Variants in ACVR1 observed in about 807,000 individuals in gnomAD.
ACVR1 encodes activin A receptor type 1.
Under a neutral mutation model 57.1 loss-of-function variants are expected in ACVR1, and 38 were observed. That is an observed-to-expected ratio of 0.67 (90% CI 0.51 to 0.87). The LOEUF is 0.87. Ranked by LOEUF, ACVR1 falls within the 40% of genes least tolerant of loss-of-function variation. The pLI is 0.00. For synonymous variants in ACVR1, 212 were observed against 228.1 expected, an observed-to-expected ratio of 0.93 and a Z score of 0.63; for missense variants, 463 against 638.2, an observed-to-expected ratio of 0.73 and a Z score of 2.96.
In ACVR1 at chr2:157,816,233, A is replaced by T. The variant is rs1464030988; in HGVS notation, c.-8+2152T>A. ...TTCCAAGATTTTAGCCAAAGGTGAA[A>T]GAGAGAAGGGAAGAACTTTTATCTC... On this transcript the variant is annotated intron_variant, in intron 2 of 10. Transcript: ENST00000434821. 5.3e-5 allele frequency among the ~76,000 whole-genome samples: 8 copies of T among 152,316 alleles called. No individual in the cohort carries two copies. The South Asian group carries it at 1.5e-3, about 28-fold the overall frequency.
intron 1 of ACVR1, among the ~76,000 whole-genome samples, chr2:157,837,051 G>A (rs970015372): frequency 2.6e-5 from 4 of 152,200 alleles, no homozygotes; most frequent in African/African-American, 9.7e-5. Context: ...GTAAAATGAG[G>A]CTACAGATAC....
intron 2 of ACVR1, among the ~76,000 whole-genome samples, chr2:157,814,123 C>T (rs1244404061): frequency 1.3e-5 from 2 of 152,142 alleles, no homozygotes; most frequent in Non-Finnish European, 1.5e-5. Context: ...ATAATTGTTG[C>T]TTGAATAAAT....
chr2:157,811,255 C>A (rs1687743965), intron 2 of ACVR1, among the ~76,000 whole-genome samples: 1 of 152,158 alleles, frequency 6.6e-6, no homozygotes, highest in African/African-American at 2.4e-5. Context: ...ACAGCTCAGC[C>A]TTTTCTTTTC....
chr2:157,818,874 C>A (rs1432011539), intron 1 of ACVR1, among the ~76,000 whole-genome samples: 1 of 151,534 alleles, frequency 6.6e-6, no homozygotes, highest in Admixed American at 6.6e-5. Flanking sequence ...GTCAGGAGAT[C>A]GAGACCATCC....
rs531163811 is a variant in ACVR1, at chr2:157,794,392, C to T, written c.67+5035G>A. On this transcript the variant is annotated intron_variant, in intron 3 of 10. Transcript: ENST00000434821. ...ACAAGAAAAGTAAGAAACACAACCC[C>T]AGGTGAAGGGGCCTCATCATTTGCT... Among the ~76,000 whole-genome samples the T allele has an allele frequency of 4.6e-5, 7 of 152,208 alleles. No individual in the cohort carries two copies. In the East Asian group the frequency reaches 1.3e-3, roughly 29 times the overall value.
intron 1 of ACVR1, among the ~76,000 whole-genome samples, chr2:157,867,628 T>C (rs1236170073): frequency 6.6e-6 from 1 of 151,982 alleles, no homozygotes; most frequent in African/African-American, 2.4e-5. Flanking sequence ...GCTGGACATT[T>C]CGATTTTTTT....
intron 1 of ACVR1, among the ~76,000 whole-genome samples, chr2:157,824,328 C>T (rs1339797257): frequency 6.6e-6 from 1 of 152,066 alleles, no homozygotes; most frequent in Non-Finnish European, 1.5e-5. Context: ...ATTAGCCTGG[C>T]ATGGTGGTGC....
At chr2:157,806,799 C>T (rs1559068359) in intron 2 of ACVR1, 1 of 152,180 alleles carries the variant, frequency 6.6e-6, no homozygotes. Flanking sequence ...ATTTTTAACA[C>T]CACACTCTGT....
intron 9 of ACVR1, among the ~76,000 whole-genome samples, chr2:157,746,093 A>G (rs1476431116): frequency 6.6e-6 from 1 of 152,182 alleles, no homozygotes; most frequent in Admixed American, 6.5e-5. Context: ...GAGTATGTCC[A>G]CAGAGCCTTC....
intron 3 of ACVR1, among the ~76,000 whole-genome samples, chr2:157,786,273 G>A (rs1386414462): frequency 1.3e-5 from 2 of 152,180 alleles, no homozygotes; most frequent in Non-Finnish European, 2.9e-5. Flanking sequence ...ATGAGGGTGA[G>A]TTGCATCTAT....
intron 9 of ACVR1, among the ~76,000 whole-genome samples, chr2:157,743,799 A>G (rs1684865286): frequency 6.6e-6 from 1 of 151,992 alleles, no homozygotes; most frequent in African/African-American, 2.4e-5. Flanking sequence ...ATAAGTTATG[A>G]AAAAGCTTTC....
At chr2:157,872,073 TGA>T (rs1281084529) in intron 1 of ACVR1, among the ~76,000 whole-genome samples, 1 of 152,212 alleles carries the variant, frequency 6.6e-6, no homozygotes, top group Non-Finnish European at 1.5e-5. Context: ...TTGGTTCTTC[TGA>T]GAGCTGGAAT....
At position 157,847,880 on chromosome 2, in the gene ACVR1, C is replaced by A. The variant is rs117070277; in HGVS notation, c.-183+27916G>T. Among the ~76,000 whole-genome samples, 24 of 152,262 alleles carry A rather than the reference C, an allele frequency of 1.6e-4. No individual in the cohort carries two copies. The East Asian group carries it at 4.0e-3, about 26-fold the overall frequency. The stretch of plus-strand genomic sequence containing the variant: ...CAGCTGACAGAGAGACTCAGAAAGA[C>A]AGAGAAGTCTGGTGAATAGTAGGAT... On this transcript the variant is annotated intron_variant, in intron 1 of 10. Coordinates refer to ENST00000434821, the MANE Select transcript of ACVR1 (RefSeq NM_001111067.4).
chr2:157,809,941 T>A (rs542793397), intron 2 of ACVR1, among the ~76,000 whole-genome samples: 4 of 152,090 alleles, frequency 2.6e-5, no homozygotes, highest in African/African-American at 9.6e-5. Context: ...CCAAGCGTGT[T>A]GGTGTGGGCC....
chr2:157,841,516 T>C (rs746526802), intron 1 of ACVR1, among the ~76,000 whole-genome samples: 1 of 152,088 alleles, frequency 6.6e-6, no homozygotes, highest in Non-Finnish European at 1.5e-5. Flanking sequence ...TGAAACAAAA[T>C]TGTCAGGACT....
Position 157,737,650 on chromosome 2 carries a change from C to G in ACVR1, c.1411G>C (p.Ala471Pro). Residue 471 changes from alanine to proline, a missense_variant, in exon 11 of 11, where the codon GCC becomes CCC. Around this residue, in one of 3 missense-constraint regions of ACVR1, gnomAD observed 146 missense variants for 186.6 expected, o/e 0.78. Coordinates refer to ENST00000434821, the MANE Select transcript of ACVR1 (RefSeq NM_001111067.4). The part of the protein sequence containing the change: ...WFSDPTLTSL[A>P]KLMKECWYQN... Reference sequence around the variant, plus strand: ...TACCAGCATTCTTTCATTAGCTTGGCCAGAGAGGTTAATGTCTGAGGAGAG... The same window carrying G: ...TACCAGCATTCTTTCATTAGCTTGGGCAGAGAGGTTAATGTCTGAGGAGAG... 1 of 1,614,056 alleles carries G rather than the reference C, an allele frequency of 6.2e-7. No homozygotes were observed. Among genetic ancestry groups the G allele is most frequent in the African/African-American group, 1.3e-5 (1 of 75,016 alleles).
chr2:157,780,813 T>C (rs768642238), intron 3 of ACVR1, among the ~76,000 whole-genome samples: 5 of 151,838 alleles, frequency 3.3e-5, no homozygotes, highest in Non-Finnish European at 7.4e-5. Context: ...TTCATTTATA[T>C]AAGCTGTGCA....
chr2:157,782,776 T>C (rs1009522656), intron 3 of ACVR1, among the ~76,000 whole-genome samples: 22 of 152,194 alleles, frequency 1.4e-4, no homozygotes, highest in African/African-American at 4.8e-4. Context: ...GAAAAGACTA[T>C]GCTTAAACCT....
chr2:157,816,174 T>C (rs754082205), intron 2 of ACVR1, among the ~76,000 whole-genome samples: 1 of 152,192 alleles, frequency 6.6e-6, no homozygotes, highest in Admixed American at 6.5e-5. Flanking sequence ...AAAATATCTG[T>C]ATAAGAAAAG....
Sources: gnomAD v4.1 joint callset for allele counts (sites outside exome capture counted in the v4.1 genomes callset) on GRCh38, gnomAD v4.1.1 for gene constraint, gnomAD v4.1.1 regional missense constraint, MANE v1.5 for transcripts, NCBI Gene and HGNC (gene_info 2026-07-23, HGNC 2026-07-21) for gene names.